The following DICER1 variants were observed in gnomAD, a reference collection of about 807,000 sequenced individuals.
DICER1 encodes the protein dicer 1, ribonuclease III.
A neutral mutation model predicts 194.1 loss-of-function variants in DICER1; 43 were observed. That is an observed-to-expected ratio of 0.22 (90% CI 0.17 to 0.29). The LOEUF is 0.29. DICER1 is among the 10% of genes least tolerant of loss of function. The pLI is 1.00. For synonymous variants in DICER1, 832 were observed against 820.5 expected, an observed-to-expected ratio of 1.01 and a Z score of -0.24; for missense variants, 1,608 against 2,317.0, an observed-to-expected ratio of 0.69 and a Z score of 6.28.
chr14:95,115,926 T>C, intron 10 of DICER1, 105 bp from the exon 11 acceptor site: 1 of 1,135,602 alleles, frequency 8.8e-7, no homozygotes, highest in African/African-American at 1.5e-5. Flanking sequence ...TATCTCTCTC[T>C]CTCCTAAACA....
chr14:95,152,283 G>A (rs1020789293), intron 1 of DICER1, among the ~76,000 whole-genome samples: 3 of 152,058 alleles, frequency 2.0e-5, no homozygotes, highest in African/African-American at 4.8e-5. Flanking sequence ...ATAATCATAC[G>A]TACCTCACAA....
chr14:95,123,172 T>C (rs887845922), intron 8 of DICER1, among the ~76,000 whole-genome samples: 2 of 152,088 alleles, frequency 1.3e-5, no homozygotes, highest in Non-Finnish European at 2.9e-5. Context: ...GGACCATACA[T>C]TAAGTGACCA....
At position 95,107,409 on chromosome 14, in the gene DICER1, C is replaced by T. The variant is rs1891525590; in HGVS notation, c.2804+199G>A. Among the ~76,000 whole-genome samples, 3 of 152,048 alleles carry T rather than the reference C, an allele frequency of 2.0e-5. No individual in the cohort carries two copies. The South Asian group carries it at 6.2e-4, about 32-fold the overall frequency. On this transcript the variant is annotated intron_variant, in intron 17 of 26. Transcript: ENST00000343455. ...GGGACTACAGGCGTGCACCACCACG[C>T]CTGGCTAATTTTTTGTATTTTTAGT...
At chr14:95,093,078 C>A (rs1889989712) in intron 24 of DICER1, among the ~76,000 whole-genome samples, 2 of 152,142 alleles carry the variant, frequency 1.3e-5, no homozygotes, top group Admixed American at 6.5e-5. Flanking sequence ...TACTCCCCAA[C>A]AAAGGTTTGG....
At chr14:95,108,202 C>T (rs577575990) in intron 15 of DICER1, 109 bp from the exon 16 acceptor site, 3 of 1,282,246 alleles carry the variant, frequency 2.3e-6, no homozygotes, top group Non-Finnish European at 3.4e-6. Flanking sequence ...ATAGAAGAGG[C>T]ACCTCGATCT....
At chr14:95,093,356 A>G (rs998846816) in intron 24 of DICER1, among the ~76,000 whole-genome samples, 2 of 152,248 alleles carry the variant, frequency 1.3e-5, no homozygotes, top group South Asian at 2.1e-4. Flanking sequence ...CTCTGTCACC[A>G]GACAGCCTTT....
Position 95,107,622 on chromosome 14 carries a change from G to A in DICER1, c.2790C>T (p.Ala930=), listed in dbSNP as rs780094393. The A allele has an allele frequency of 1.1e-5, 17 of 1,613,618 alleles. No individual in the cohort carries two copies. The highest frequency in any genetic ancestry group is 5.3e-5 in the African/African-American group (4 of 74,858). The change falls in exon 17 of 27, where the codon GCC becomes GCT. Residue 930 remains alanine, a synonymous_variant. Transcript: ENST00000343455. ...FVFKLEDYQD[A]VIIPRYRNFD... ...TAAATACCTACCTTGGAATGATAAC[G>A]GCATCTTGGTAATCTTCTAATTTAA...
At chr14:95,154,862 A>G (rs1370464721) in intron 1 of DICER1, among the ~76,000 whole-genome samples, 2 of 148,156 alleles carry the variant, frequency 1.3e-5, no homozygotes, top group Non-Finnish European at 3.0e-5. Context: ...ATATTTTACC[A>G]TGCCAAAAAA....
upstream of DICER1, chr14:95,157,691 G>A (rs1352357271): frequency 3.9e-5 from 6 of 152,438 alleles, no homozygotes; most frequent in African/African-American, 7.2e-5. Flanking sequence ...GGCCGGAGAG[G>A]CGTTTGCGGC....
chr14:95,095,910 T>C lies in DICER1; in HGVS notation c.5010A>G (p.Glu1670=), dbSNP rs886050940. Residue 1670 remains glutamate, a synonymous_variant, in exon 23 of 27, where the codon GAA becomes GAG. Coordinates refer to ENST00000343455, the MANE Select transcript of DICER1 (RefSeq NM_177438.3). ...NHLISGFENF[E]KKINYRFKNK... ...TCTTGAATCTGTAGTTGATTTTCTT[T>C]TCAAAATTTTCAAACCCCGATATAA... The C allele has an allele frequency of 1.2e-5, 20 of 1,614,056 alleles. No homozygotes were observed. Among genetic ancestry groups the C allele is most frequent in the Non-Finnish European group, 1.7e-5 (20 of 1,180,026 alleles).
rs755649018 is a variant in DICER1, at chr14:95,116,623, T to C, written c.1582A>G (p.Ile528Val). ...CGAACCACCAAGTTGCATTTTGGTA[T>C]ATCAACACCCTCTTCTACAATACTT... The part of the protein sequence containing the change: ...ATSIVEEGVD[I>V]PKCNLVVRFD... Residue 528 changes from isoleucine (I) to valine (V), a missense_variant, in exon 10 of 27, where the codon ATA becomes GTA. Around this residue, in one of 10 missense-constraint regions of DICER1, gnomAD observed 657 missense variants for 910.1 expected, o/e 0.72. Transcript: ENST00000343455. 8 of 1,613,942 alleles carry C rather than the reference T, an allele frequency of 5.0e-6. No homozygotes were observed. In the African/African-American group the frequency reaches 9.3e-5, roughly 19 times the overall value.
At position 95,091,421 on chromosome 14, in the gene DICER1, C is replaced by A. The variant is rs559119073; in HGVS notation, c.5365-56G>T. On this transcript the variant is annotated intron_variant, in intron 24 of 26. Coordinates refer to ENST00000343455, the MANE Select transcript of DICER1 (RefSeq NM_177438.3). ...AAAAAGGCCACTTTTACAGGCAGTC[C>A]ACAGATGTAGTTTCTTTTCTTGGAT... The A allele has an allele frequency of 2.1e-5, 32 of 1,517,708 alleles. No individual in the cohort carries two copies. The African/African-American group carries it at 4.1e-4, about 20-fold the overall frequency. 94.0% of individuals were successfully genotyped at this position (1,517,708 alleles called of 1,614,324 possible). A position where few individuals can be genotyped will look rare whatever the true frequency, so the allele number is the denominator to read the frequency against.
chr14:95,099,963 T>C (rs1428332649), intron 21 of DICER1, 28 bp from the exon 22 acceptor site: 4 of 1,612,988 alleles, frequency 2.5e-6, no homozygotes, highest in Non-Finnish European at 3.4e-6. Context: ...AGGATACTTA[T>C]CCATAAATGA....
At chr14:95,145,306 T>C (rs934672081) in intron 1 of DICER1, among the ~76,000 whole-genome samples, 2 of 152,218 alleles carry the variant, frequency 1.3e-5, no homozygotes, top group East Asian at 1.9e-4. Flanking sequence ...TGCATTTACA[T>C]TAAGATGAAA....
chr14:95,142,563 T>C (rs1894887757), intron 1 of DICER1, among the ~76,000 whole-genome samples: 2 of 152,190 alleles, frequency 1.3e-5, no homozygotes, highest in Admixed American at 6.5e-5. Flanking sequence ...TATTACAAAA[T>C]TATTGCTAAG....
At chr14:95,132,808 C>A (rs1011574358) in intron 2 of DICER1, 131 bp from the exon 3 acceptor site, 42 of 852,226 alleles carry the variant, frequency 4.9e-5, no homozygotes, top group Non-Finnish European at 6.2e-5. Context: ...ACAAAAAAAA[C>A]CCCACAGTCT....
intron 13 of DICER1, 142 bp downstream of exon 13, chr14:95,112,030 T>A (rs781719592): frequency 1.6e-5 from 12 of 748,114 alleles, no homozygotes; most frequent in Middle Eastern, 2.9e-4. Flanking sequence ...AACACTTATG[T>A]TTATATTCAC....
Position 95,112,338 on chromosome 14 carries a change from T to C in DICER1, c.2041-91A>G, listed in dbSNP as rs2297730. 0.13 allele frequency: 134,460 copies of C among 1,053,282 alleles called. 13,130 individuals carry two copies. Among genetic ancestry groups the C allele is most frequent in the East Asian group, 0.42 (17,454 of 41,334 alleles). The allele number at this position is 1,053,282 out of a possible 1,614,324, so 65.2% of individuals were successfully genotyped here. On this transcript the variant is annotated intron_variant, in intron 12 of 26. Coordinates refer to ENST00000343455, the MANE Select transcript of DICER1 (RefSeq NM_177438.3). ...ACCTATGAAACCACTGCCCCAACATTTTTAAAGTTCAATTTACCAAAACAA... is the reference window on the plus strand; with the variant it reads ...ACCTATGAAACCACTGCCCCAACATCTTTAAAGTTCAATTTACCAAAACAA...
chr14:95,106,319 G>A (rs1359319454), intron 17 of DICER1, 96 bp from the exon 18 acceptor site: 1 of 907,494 alleles, frequency 1.1e-6, no homozygotes, highest in East Asian at 2.6e-5. Context: ...TGATGATTAA[G>A]AATTCAAAAG....
Sources: allele counts gnomAD v4.1 joint callset (sites outside exome capture counted in the v4.1 genomes callset), GRCh38; gene constraint gnomAD v4.1.1; regional missense constraint gnomAD v4.1.1; transcripts MANE v1.5; gene names NCBI Gene and HGNC (gene_info 2026-07-23, HGNC 2026-07-21).